The following FAM20C variants were observed in gnomAD, a reference collection of about 807,000 sequenced individuals.
The protein encoded by FAM20C is FAM20C golgi associated secretory pathway kinase.
In FAM20C, 40 loss-of-function variants were observed where a neutral mutation model predicts 51.5. The observed-to-expected ratio is 0.78, with a 90% CI of 0.60 to 1.01. The LOEUF (loss-of-function observed/expected upper bound fraction) is 1.01. Ranked by LOEUF, FAM20C falls within the 50% of genes least tolerant of loss-of-function variation. The pLI, the probability that FAM20C is intolerant of heterozygous loss-of-function variation, is 0.00. For synonymous variants in FAM20C, 406 were observed against 380.6 expected (o/e 1.07, Z -0.78); for missense variants, 861 against 844.7 (o/e 1.02, Z -0.24).
At chr7:244,780 C>CAGGG (rs1788082418) in intron 3 of FAM20C, among the ~76,000 whole-genome samples, 1 of 152,244 alleles carries the variant, frequency 6.6e-6, no homozygotes, top group Non-Finnish European at 1.5e-5. Flanking sequence ...TGCGCCTACC[C>CAGGG]AGGGCCCTGT....
chr7:198,844 A>C (rs1786005517), intron 2 of FAM20C, among the ~76,000 whole-genome samples: 1 of 152,180 alleles, frequency 6.6e-6, no homozygotes, highest in African/African-American at 2.4e-5. Context: ...GATCCTTCTC[A>C]TCTGGGGAAG....
Position 260,117 on chromosome 7 carries a change from G to T in FAM20C, c.*137G>T. ...GGAGTCGGGAGCTGCTGCCACAGGA[G>T]GCGAGGCTCCCCAGGTCTCATAGGA... On this transcript the variant is annotated 3_prime_UTR_variant, in exon 10 of 10. Coordinates refer to ENST00000313766, the MANE Select transcript of FAM20C (RefSeq NM_020223.4). The T allele has an allele frequency of 8.2e-7, 1 of 1,222,810 alleles. No homozygotes were observed. Among genetic ancestry groups the T allele is most frequent in the Non-Finnish European group, 1.1e-6 (1 of 922,354 alleles). 75.7% of individuals were successfully genotyped at this position (1,222,810 alleles called of 1,614,324 possible).
At chr7:242,950 G>A (rs948557188) in intron 3 of FAM20C, among the ~76,000 whole-genome samples, 1 of 151,794 alleles carries the variant, frequency 6.6e-6, no homozygotes, top group Non-Finnish European at 1.5e-5. Flanking sequence ...CAAGAAACCT[G>A]TGCCACCCGG....
intron 3 of FAM20C, among the ~76,000 whole-genome samples, chr7:211,655 T>C (rs1431619750): frequency 1.3e-5 from 2 of 152,086 alleles, no homozygotes; most frequent in East Asian, 1.9e-4. Flanking sequence ...AGGGCTGTGC[T>C]GTCACCCGGG....
In FAM20C at chr7:193,778, C is replaced by A. The variant is rs1381535031; in HGVS notation, c.579C>A (p.Ser193Arg). The change falls in exon 1 of 10, where the codon AGC becomes AGA. Residue 193 changes from serine to arginine, a missense_variant. Transcript: ENST00000313766. ...LFNVNSDTRL[S>R]PKAAENPDWP... ...ATGTGAACAGCGACACCAGGCTCAG[C>A]CCCAAAGCGGCGGAGAACCCGGACT... The A allele has an allele frequency of 1.3e-6, 2 of 1,553,008 alleles. No homozygotes were observed. Among genetic ancestry groups the A allele is most frequent in the Non-Finnish European group, 1.7e-6 (2 of 1,148,556 alleles).
intron 3 of FAM20C, among the ~76,000 whole-genome samples, chr7:210,993 G>A (rs1017229515): frequency 1.9e-4 from 29 of 152,176 alleles, no homozygotes; most frequent in African/African-American, 7.0e-4. Context: ...AGGAGGTGAC[G>A]CTTACCGCTG....
chr7:206,623 T>C (rs1259727431), intron 2 of FAM20C, among the ~76,000 whole-genome samples: 61 of 135,560 alleles, frequency 4.5e-4, no homozygotes, highest in African/African-American at 1.6e-3. Context: ...TCTGTCATGG[T>C]CCCCTCGGCC....
chr7:242,258 G>A (rs1273404656), intron 3 of FAM20C, among the ~76,000 whole-genome samples: 1 of 152,242 alleles, frequency 6.6e-6, no homozygotes, highest in African/African-American at 2.4e-5. Context: ...CTGGGCTGGC[G>A]AGGGTCAGTG....
intron 3 of FAM20C, among the ~76,000 whole-genome samples, chr7:236,196 TGAGCGGCTCCTGGCCGAGGTGAGAGGCC>T (rs1230353546): frequency 0.21 from 31,186 of 151,060 alleles, 4,813 homozygotes; most frequent in African/African-American, 0.45. Flanking sequence ...GAAGGGAGGC[TGAGCGGCTCCTGGCCGAGGTGAGAGGCC>T]GAGCGGCTCC....
chr7:199,343 G>T (rs1786026632), intron 2 of FAM20C, among the ~76,000 whole-genome samples: 2 of 152,204 alleles, frequency 1.3e-5, no homozygotes, highest in Admixed American at 1.3e-4. Context: ...CAAGAACAGG[G>T]GTAGCCTTCA....
At chr7:233,966 T>TG (rs1331307044) in intron 3 of FAM20C, among the ~76,000 whole-genome samples, 1 of 152,128 alleles carries the variant, frequency 6.6e-6, no homozygotes, top group Non-Finnish European at 1.5e-5. Context: ...GAGAGAAGGA[T>TG]GCACGGTGTT....
At chr7:197,980 G>A (rs559389201) in intron 2 of FAM20C, among the ~76,000 whole-genome samples, 71 of 152,346 alleles carry the variant, frequency 4.7e-4, no homozygotes, top group African/African-American at 1.5e-3. Flanking sequence ...TGTGGACAGA[G>A]CCCTTGCCAG....
At chr7:247,250 A>G (rs1788202729) in intron 4 of FAM20C, among the ~76,000 whole-genome samples, 1 of 152,082 alleles carries the variant, frequency 6.6e-6, no homozygotes, top group Admixed American at 6.5e-5. Flanking sequence ...GCTGCTGGGA[A>G]AGTGGGGGGT....
intron 3 of FAM20C, among the ~76,000 whole-genome samples, chr7:223,365 G>C (rs1787325581): frequency 6.6e-6 from 1 of 152,198 alleles, no homozygotes; most frequent in African/African-American, 2.4e-5. Context: ...TAGCCACATA[G>C]CAGGGGCTCG....
Position 246,428 on chromosome 7 carries a change from C to A in FAM20C, c.877C>A (p.Gln293Lys). The change falls in exon 4 of 10, where the codon CAG (glutamine) becomes AAG (lysine). Residue 293 changes from glutamine to lysine, a missense_variant. This residue lies in a region of FAM20C where 561 missense variants were observed against 499.8 expected (regional missense o/e 1.12). Transcript: ENST00000313766. ...LFKPMKQTREQETPPDFFYFS... is the reference protein window; with the variant it reads ...LFKPMKQTREKETPPDFFYFS... ...TTGTTTTCTCAGACAAACGAGGGAG[C>A]AGGAGACACCCCCTGACTTTTTTTA... 2 of 1,420,138 alleles carry A rather than the reference C, an allele frequency of 1.4e-6. No individual in the cohort carries two copies. The highest frequency in any genetic ancestry group is 1.8e-6 in the Non-Finnish European group (2 of 1,086,916). 88.0% of individuals were successfully genotyped at this position (1,420,138 alleles called of 1,614,324 possible).
At chr7:233,159 C>T (rs1029559900) in intron 3 of FAM20C, among the ~76,000 whole-genome samples, 4 of 152,330 alleles carry the variant, frequency 2.6e-5, no homozygotes, top group South Asian at 2.1e-4. Context: ...GGGGCAGCCG[C>T]GAGAGCCATG....
At chr7:223,047 G>C (rs971887969) in intron 3 of FAM20C, among the ~76,000 whole-genome samples, 1 of 152,152 alleles carries the variant, frequency 6.6e-6, no homozygotes, top group Non-Finnish European at 1.5e-5. Flanking sequence ...GTGAGGGCGT[G>C]TGTGTGCACA....
At chr7:254,966 T>C (rs890321670) in intron 5 of FAM20C, among the ~76,000 whole-genome samples, 2 of 152,260 alleles carry the variant, frequency 1.3e-5, no homozygotes, top group Non-Finnish European at 2.9e-5. Flanking sequence ...GGATGGACCA[T>C]GTTCACCTGG....
intron 3 of FAM20C, among the ~76,000 whole-genome samples, chr7:213,178 AGT>A (rs1486981482): frequency 7.3e-6 from 1 of 136,790 alleles, no homozygotes; most frequent in East Asian, 2.1e-4. Context: ...GTCCTTTGTG[AGT>A]GACATGGACG....
Sources: gnomAD v4.1 joint callset for allele counts (sites outside exome capture counted in the v4.1 genomes callset) on GRCh38, gnomAD v4.1.1 for gene constraint, gnomAD v4.1.1 regional missense constraint, MANE v1.5 for transcripts, NCBI Gene and HGNC (gene_info 2026-07-23, HGNC 2026-07-21) for gene names.